CDC14A: variants seen among roughly 807,000 people sequenced by gnomAD.
CDC14A encodes cell division cycle 14A, also known as dual specificity protein phosphatase CDC14A.
CDC14A carries 53 observed loss-of-function variants against 74.4 expected under a neutral mutation model. The ratio of observed to expected loss-of-function variants is 0.71; its 90% CI spans 0.57 to 0.89. CDC14A has a LOEUF of 0.89. CDC14A is among the 40% of genes least tolerant of loss of function. CDC14A has a pLI of 0.00. For synonymous variants in CDC14A, 247 were observed against 258.4 expected, an observed-to-expected ratio of 0.96 and a Z score of 0.43; for missense variants, 646 against 713.7, an observed-to-expected ratio of 0.91 and a Z score of 1.08.
intron 5 of CDC14A, among the ~76,000 whole-genome samples, chr1:100,425,714 G>A (rs1336205753): frequency 1.3e-5 from 2 of 152,186 alleles, no homozygotes; most frequent in Admixed American, 1.3e-4. Context: ...GGCAGATAAT[G>A]TAGATGAAAG....
intron 2 of CDC14A, among the ~76,000 whole-genome samples, chr1:100,362,311 A>AT (rs150335449): frequency 3.0e-4 from 45 of 151,990 alleles, no homozygotes; most frequent in African/African-American, 5.3e-4. Flanking sequence ...TCTTAGAAAT[A>AT]TTTTTTTTAA....
intron 7 of CDC14A, among the ~76,000 whole-genome samples, chr1:100,453,983 G>A (rs904963619): frequency 1.3e-5 from 2 of 152,156 alleles, no homozygotes; most frequent in African/African-American, 2.4e-5. Context: ...ATGCAGTTCA[G>A]ATGTTTATAA....
At chr1:100,364,277 G>A (rs374620375) in intron 2 of CDC14A, among the ~76,000 whole-genome samples, 13 of 151,316 alleles carry the variant, frequency 8.6e-5, no homozygotes, top group East Asian at 3.9e-4. Flanking sequence ...GCCCGATGTC[G>A]GCTCACTGCA....
intron 5 of CDC14A, among the ~76,000 whole-genome samples, chr1:100,429,134 G>T (rs1663305256): frequency 6.6e-6 from 1 of 151,546 alleles, no homozygotes; most frequent in South Asian, 2.1e-4. Context: ...AACCTGGGAG[G>T]CAGAGGTTGT....
At chr1:100,397,701 T>C (rs1244008320) in intron 4 of CDC14A, among the ~76,000 whole-genome samples, 1 of 152,188 alleles carries the variant, frequency 6.6e-6, no homozygotes, top group African/African-American at 2.4e-5. Flanking sequence ...TTTTTTTCTG[T>C]TATGTGGAGG....
At chr1:100,457,252 T>G (rs1290201897) in intron 8 of CDC14A, among the ~76,000 whole-genome samples, 2 of 152,258 alleles carry the variant, frequency 1.3e-5, no homozygotes, top group Admixed American at 1.3e-4. Context: ...GTATATTCTA[T>G]GGATACATGC....
At chr1:100,484,097 A>G (rs916811216) in intron 10 of CDC14A, among the ~76,000 whole-genome samples, 195 bp from the exon 11 acceptor site, 4 of 152,194 alleles carry the variant, frequency 2.6e-5, no homozygotes, top group African/African-American at 9.6e-5. Flanking sequence ...TGTTTAATAT[A>G]GAATCTTATT....
At chr1:100,439,049 C>T (rs1478425512) in intron 5 of CDC14A, among the ~76,000 whole-genome samples, 2 of 152,194 alleles carry the variant, frequency 1.3e-5, no homozygotes, top group Non-Finnish European at 2.9e-5. Context: ...GGTGCCAGTT[C>T]TTGCTTAACT....
chr1:100,457,132 C>G (rs530528773), intron 8 of CDC14A, among the ~76,000 whole-genome samples: 9 of 152,224 alleles, frequency 5.9e-5, no homozygotes, highest in Admixed American at 2.0e-4. Flanking sequence ...TTGGCAAAGT[C>G]GAAAGACTTT....
At chr1:100,452,653 T>C (rs549297582) in intron 7 of CDC14A, among the ~76,000 whole-genome samples, 37 of 152,374 alleles carry the variant, frequency 2.4e-4, no homozygotes, top group African/African-American at 8.4e-4. Context: ...TAACAACACC[T>C]AAATGTATCA....
In CDC14A at chr1:100,508,873, C is replaced by T. The variant is rs1030140417; in HGVS notation, c.1756-9378C>T. Reference sequence around the variant, plus strand: ...CTGGGTCACAAAGATGTTGATCTTGCTTTTAATTTCTGCTGTGCCCTTTCT... The same window carrying T: ...CTGGGTCACAAAGATGTTGATCTTGTTTTTAATTTCTGCTGTGCCCTTTCT... On this transcript the variant is annotated intron_variant, in intron 15 of 15. Coordinates refer to ENST00000336454, the MANE Select transcript of CDC14A (RefSeq NM_003672.4). This position sits in a 1 kb window ranked among gnomAD's most constrained non-coding sequence, Gnocchi z 4.4. Among the ~76,000 whole-genome samples the T allele has an allele frequency of 8.5e-5, 13 of 152,192 alleles. No individual in the cohort carries two copies. Among genetic ancestry groups the T allele is most frequent in the Non-Finnish European group, 1.5e-4 (10 of 68,022 alleles).
intron 4 of CDC14A, among the ~76,000 whole-genome samples, chr1:100,413,848 G>T (rs538823770): frequency 6.6e-6 from 1 of 152,122 alleles, no homozygotes; most frequent in Admixed American, 6.6e-5. Context: ...AAGCAGAATT[G>T]TATATAATTA....
chr1:100,496,692 AAGCATCTGG>A (rs1647889746), intron 13 of CDC14A, among the ~76,000 whole-genome samples: 1 of 152,174 alleles, frequency 6.6e-6, no homozygotes, highest in Non-Finnish European at 1.5e-5. Context: ...AAGAGGGCTT[AAGCATCTGG>A]AGCTTCTGGA....
At chr1:100,435,075 TC>T (rs1487750325) in intron 5 of CDC14A, among the ~76,000 whole-genome samples, 1 of 152,192 alleles carries the variant, frequency 6.6e-6, no homozygotes, top group Non-Finnish European at 1.5e-5. Flanking sequence ...TGTGGAACTA[TC>T]CGGGTGATGC....
intron 15 of CDC14A, among the ~76,000 whole-genome samples, chr1:100,512,668 GA>G (rs1298261000): frequency 2.0e-5 from 3 of 152,126 alleles, no homozygotes. Context: ...CCAGAAAAAA[GA>G]ATCTATTAAA....
At chr1:100,365,292 T>G (rs892310619) in intron 2 of CDC14A, among the ~76,000 whole-genome samples, 1 of 152,242 alleles carries the variant, frequency 6.6e-6, no homozygotes, top group Non-Finnish European at 1.5e-5. Flanking sequence ...AAATGTTTTC[T>G]GTACCCAGAC....
At chr1:100,485,706 A>T (rs1189657242) in intron 11 of CDC14A, 6 of 152,306 alleles carry the variant, frequency 3.9e-5, no homozygotes, top group Non-Finnish European at 5.9e-5. Flanking sequence ...CAAGGAGCCC[A>T]GAATGGAAGG....
chr1:100,494,874 A>C lies in CDC14A; in HGVS notation c.1194A>C (p.Lys398Asn), dbSNP rs1293729537. 2.5e-6 allele frequency: 4 copies of C among 1,613,784 alleles called. No homozygotes were observed. Among genetic ancestry groups the C allele is most frequent in the Non-Finnish European group, 3.4e-6 (4 of 1,179,682 alleles). ...EMKNGITQGD[K>N]LRALKSQRQP... ...AAAATGGTATAACCCAGGGAGACAA[A>C]CTACGTGCCTTAAAAAGTCAGAGAC... is the stretch of plus-strand genomic sequence containing the variant. Residue 398 changes from lysine to asparagine, a missense_variant, in exon 12 of 16, where the codon AAA becomes AAC. Coordinates refer to ENST00000336454, the MANE Select transcript of CDC14A (RefSeq NM_003672.4).
intron 4 of CDC14A, among the ~76,000 whole-genome samples, chr1:100,395,938 C>T (rs905916676): frequency 2.0e-5 from 3 of 152,204 alleles, no homozygotes; most frequent in African/African-American, 7.2e-5. Context: ...GTTACTTTCT[C>T]AGAGAGATTT....
Sources: gnomAD v4.1 joint callset for allele counts (sites outside exome capture counted in the v4.1 genomes callset) on GRCh38, gnomAD v4.1.1 for gene constraint, Gnocchi (gnomAD v3.1) non-coding constraint, MANE v1.5 for transcripts, NCBI Gene and HGNC (gene_info 2026-07-23, HGNC 2026-07-21) for gene names.